RNF111: variants seen among roughly 807,000 people sequenced by gnomAD.
The protein encoded by RNF111 is ring finger protein 111.
RNF111 carries 17 observed loss-of-function variants against 95.1 expected under a neutral mutation model. The observed-to-expected ratio is 0.18, with a 90% CI of 0.12 to 0.27. The LOEUF is 0.27. RNF111 is among the 10% of genes least tolerant of loss of function. The pLI is 1.00. For missense variants in RNF111, 1,189 were observed against 1,210.4 expected (o/e 0.98, Z 0.26); for synonymous variants, 440 against 414.8 (o/e 1.06, Z -0.74).
chr15:59,035,465 G>C (rs2041132621), intron 2 of RNF111, among the ~76,000 whole-genome samples: 1 of 152,210 alleles, frequency 6.6e-6, no homozygotes, highest in Non-Finnish European at 1.5e-5. Context: ...TAGATGCAAT[G>C]AGGGTACAGA....
chr15:59,004,184 T>C (rs938117754), intron 1 of RNF111: 3 of 1,123,640 alleles, frequency 2.7e-6, no homozygotes, highest in Non-Finnish European at 3.4e-6. Flanking sequence ...GGTCTCAACT[T>C]TGTTTTTAGT....
intron 1 of RNF111, among the ~76,000 whole-genome samples, chr15:59,018,566 A>G (rs563813463): frequency 4.6e-5 from 7 of 152,336 alleles, no homozygotes; most frequent in African/African-American, 7.2e-5. Context: ...AAAACAAACT[A>G]TATATACAGA....
chr15:59,083,106 G>A (rs1391208614), intron 8 of RNF111, among the ~76,000 whole-genome samples: 1 of 151,556 alleles, frequency 6.6e-6, no homozygotes, highest in East Asian at 1.9e-4. Flanking sequence ...CTATGATTGT[G>A]CCACTGCACT....
At chr15:59,065,970 G>C (rs2042638257) in intron 5 of RNF111, among the ~76,000 whole-genome samples, 1 of 152,076 alleles carries the variant, frequency 6.6e-6, no homozygotes, top group Middle Eastern at 3.2e-3. Flanking sequence ...TTGGTGGATA[G>C]TGAGACTTCA....
At chr15:59,093,126 T>C (rs1462185336) in intron 13 of RNF111, among the ~76,000 whole-genome samples, 1 of 152,192 alleles carries the variant, frequency 6.6e-6, no homozygotes, top group Non-Finnish European at 1.5e-5. Flanking sequence ...GATTAAAGTA[T>C]CTATGTTACC....
intron 1 of RNF111, among the ~76,000 whole-genome samples, chr15:59,009,132 G>A (rs2039674834): frequency 6.6e-6 from 1 of 151,886 alleles, no homozygotes; most frequent in South Asian, 2.1e-4. Flanking sequence ...TAATTTTTTT[G>A]TATTTTTAGT....
At chr15:59,062,152 C>T (rs2042467786) in intron 5 of RNF111, among the ~76,000 whole-genome samples, 1 of 151,348 alleles carries the variant, frequency 6.6e-6, no homozygotes, top group South Asian at 2.1e-4. Flanking sequence ...AAGTGATCCT[C>T]CTGCATCAGC....
At chr15:59,082,308 CT>C (rs1357774417) in intron 8 of RNF111, among the ~76,000 whole-genome samples, 1 of 152,050 alleles carries the variant, frequency 6.6e-6, no homozygotes, top group African/African-American at 2.4e-5. Flanking sequence ...GTGAGCTAAT[CT>C]TTTGTCTGTG....
Position 59,066,867 on chromosome 15 carries a change from G to C in RNF111, c.1470G>C (p.Ser490=), listed in dbSNP as rs770695954. The C allele has an allele frequency of 1.9e-6, 3 of 1,614,034 alleles. No individual in the cohort carries two copies. The highest frequency in any genetic ancestry group is 3.3e-5 in the Admixed American group (2 of 60,024). ...CCCAGCACTCACCATGTGGAGGGTC[G>C]TCACAGAACCACCATGCATTAGGAC... ...CCPQHSPCGG[S]SQNHHALGHP... Residue 490 remains serine, a synonymous_variant, in exon 6 of 14, where the codon TCG becomes TCC. Transcript: ENST00000348370.
chr15:59,020,352 G>C (rs902804928), intron 1 of RNF111, among the ~76,000 whole-genome samples: 17 of 151,718 alleles, frequency 1.1e-4, no homozygotes, highest in Non-Finnish European at 2.2e-4. Context: ...ATACATTTCA[G>C]GATCCAGGCT....
intron 5 of RNF111, among the ~76,000 whole-genome samples, chr15:59,059,137 TA>T (rs1198552893): frequency 6.6e-6 from 1 of 151,592 alleles, no homozygotes; most frequent in Non-Finnish European, 1.5e-5. Context: ...AATAAAAAAG[TA>T]AAAAGAAACA....
At chr15:59,089,461 T>C (rs1162867603) in intron 10 of RNF111, among the ~76,000 whole-genome samples, 4 of 152,204 alleles carry the variant, frequency 2.6e-5, no homozygotes, top group South Asian at 2.1e-4. Flanking sequence ...AGGCTTAAGT[T>C]TGGGCATTTT....
At chr15:59,052,540 G>A in intron 3 of RNF111, 109 bp downstream of exon 3, 7 of 551,926 alleles carry the variant, frequency 1.3e-5, no homozygotes, top group Non-Finnish European at 1.9e-5. Flanking sequence ...TTGAGACCCA[G>A]TTTGAGTATG....
At chr15:59,021,153 CTTTT>C (rs1282392346) in intron 1 of RNF111, among the ~76,000 whole-genome samples, 1 of 151,868 alleles carries the variant, frequency 6.6e-6, no homozygotes. Flanking sequence ...TATGCCCTGC[CTTTT>C]TTTGTTTGTT....
chr15:59,073,617 C>T (rs1345355350), intron 6 of RNF111, among the ~76,000 whole-genome samples: 2 of 152,234 alleles, frequency 1.3e-5, no homozygotes, highest in African/African-American at 2.4e-5. Context: ...TTGCTGTCTT[C>T]ACGACATCTG....
chr15:59,066,618 A>T, intron 5 of RNF111, 146 bp from the exon 6 acceptor site: 1 of 719,212 alleles, frequency 1.4e-6, no homozygotes, highest in Non-Finnish European at 2.2e-6. Context: ...TCAAAAAAAA[A>T]AGAACGTGGC....
intron 8 of RNF111, among the ~76,000 whole-genome samples, chr15:59,081,948 C>G (rs1203561991): frequency 6.6e-6 from 1 of 152,084 alleles, no homozygotes; most frequent in Non-Finnish European, 1.5e-5. Flanking sequence ...TCGTCTGAGC[C>G]CAGGGGGTCA....
intron 2 of RNF111, among the ~76,000 whole-genome samples, chr15:59,046,275 C>T (rs1195976086): frequency 6.6e-6 from 1 of 151,930 alleles, no homozygotes; most frequent in Non-Finnish European, 1.5e-5. Flanking sequence ...GTCCCTGCAG[C>T]CTCAGCCTCC....
At chr15:59,052,570 T>A (rs2042034084) in intron 3 of RNF111, 139 bp downstream of exon 3, 1 of 120,922 alleles carries the variant, frequency 8.3e-6, no homozygotes, top group African/African-American at 4.4e-5. Flanking sequence ...GATTAGTGGA[T>A]TTTTTTTTTT....
Sources: gnomAD v4.1 joint callset for allele counts (sites outside exome capture counted in the v4.1 genomes callset) on GRCh38, gnomAD v4.1.1 for gene constraint, MANE v1.5 for transcripts, NCBI Gene and HGNC (gene_info 2026-07-23, HGNC 2026-07-21) for gene names.